The following STARD3NL variants were observed in gnomAD, a reference collection of about 807,000 sequenced individuals.
STARD3NL encodes STARD3 N-terminal-like protein.
STARD3NL carries 17 observed loss-of-function variants against 30.9 expected under a neutral mutation model. That is an observed-to-expected ratio of 0.55 (90% CI 0.38 to 0.82). STARD3NL has a LOEUF of 0.82. STARD3NL is among the 40% of genes least tolerant of loss of function. The probability of loss-of-function intolerance (pLI) is 0.00; values close to 1 mark genes in which losing one functional copy is unlikely to be tolerated. For missense variants in STARD3NL, 234 were observed against 277.6 expected, an observed-to-expected ratio of 0.84 and a Z score of 1.12; for synonymous variants, 112 against 100.5, an observed-to-expected ratio of 1.11 and a Z score of -0.69.
At chr7:38,222,096 G>C (rs971031029) in intron 7 of STARD3NL, among the ~76,000 whole-genome samples, 3 of 151,490 alleles carry the variant, frequency 2.0e-5, no homozygotes, top group African/African-American at 7.3e-5. Context: ...ACTTGAGTTA[G>C]AGACTACATC....
At chr7:38,215,652 A>C (rs1349610779) in intron 4 of STARD3NL, 2 of 152,740 alleles carry the variant, frequency 1.3e-5, no homozygotes, top group African/African-American at 4.8e-5. Context: ...TGGTATTCTT[A>C]ATAAGTATTT....
At chr7:38,222,734 CAA>C (rs1786540509) in intron 7 of STARD3NL, among the ~76,000 whole-genome samples, 1 of 152,104 alleles carries the variant, frequency 6.6e-6, no homozygotes, top group Admixed American at 6.5e-5. Context: ...TAAACAAAAA[CAA>C]AACATTTTCA....
intron 4 of STARD3NL, chr7:38,215,780 G>C (rs1786074587): frequency 6.6e-6 from 1 of 152,320 alleles, no homozygotes; most frequent in South Asian, 2.1e-4. Context: ...AGACTAGAGA[G>C]AGCTGCTCAG....
At chr7:38,204,769 A>G (rs1230148570) in intron 1 of STARD3NL, among the ~76,000 whole-genome samples, 2 of 152,098 alleles carry the variant, frequency 1.3e-5, no homozygotes, top group Admixed American at 6.6e-5. Context: ...AGAGAGAAGA[A>G]TCAAATAGAT....
chr7:38,187,971 A>G (rs960449192), intron 1 of STARD3NL, among the ~76,000 whole-genome samples: 2 of 152,144 alleles, frequency 1.3e-5, no homozygotes, highest in African/African-American at 4.8e-5. Flanking sequence ...CTTACTTGGA[A>G]CCAATCTATT....
At chr7:38,225,036 A>T (rs1786676178) in intron 7 of STARD3NL, among the ~76,000 whole-genome samples, 1 of 152,152 alleles carries the variant, frequency 6.6e-6, no homozygotes. Context: ...CTTTTTGATC[A>T]TATCCCGGCT....
At chr7:38,184,441 G>A (rs1784371911) in intron 1 of STARD3NL, among the ~76,000 whole-genome samples, 1 of 151,726 alleles carries the variant, frequency 6.6e-6, no homozygotes, top group Non-Finnish European at 1.5e-5. Context: ...GAGGCCTCAG[G>A]AGGCTTACAG....
At chr7:38,213,318 T>C (rs1785917483) in intron 2 of STARD3NL, among the ~76,000 whole-genome samples, 1 of 152,188 alleles carries the variant, frequency 6.6e-6, no homozygotes, top group Non-Finnish European at 1.5e-5. Context: ...CTACAGAGGA[T>C]CCATACTAAT....
At chr7:38,208,073 A>G (rs1785592603) in intron 2 of STARD3NL, among the ~76,000 whole-genome samples, 2 of 152,142 alleles carry the variant, frequency 1.3e-5, no homozygotes, top group Non-Finnish European at 2.9e-5. Context: ...CTGTTTACAT[A>G]TTGTTTATGG....
At chr7:38,204,940 A>T (rs1041421395) in intron 1 of STARD3NL, among the ~76,000 whole-genome samples, 2 of 152,224 alleles carry the variant, frequency 1.3e-5, no homozygotes, top group African/African-American at 4.8e-5. Context: ...AACCAGGAAG[A>T]AGTTGAATCT....
At chr7:38,192,192 G>A (rs897641487) in intron 1 of STARD3NL, among the ~76,000 whole-genome samples, 3 of 151,834 alleles carry the variant, frequency 2.0e-5, no homozygotes, top group African/African-American at 7.3e-5. Context: ...TTCTCTTTCT[G>A]TGTCTAGTCT....
In STARD3NL at chr7:38,217,126, G is replaced by A. The variant is rs115408170; in HGVS notation, c.435+48G>A. 6.1e-4 allele frequency: 983 copies of A among 1,613,702 alleles called. 5 individuals carry two copies. The African/African-American group carries it at 0.011, about 19-fold the overall frequency. On this transcript the variant is annotated intron_variant, in intron 5 of 8. Transcript: ENST00000009041. ...TACAGTTACCATCTTCAGTGATGAA[G>A]CCTCGTTTTTCAGTGTGAGTTTGTG...
chr7:38,195,594 G>A (rs1371381202), intron 1 of STARD3NL, among the ~76,000 whole-genome samples: 1 of 152,190 alleles, frequency 6.6e-6, no homozygotes, highest in Non-Finnish European at 1.5e-5. Flanking sequence ...TTCTAGCTTT[G>A]CTTTGAGCTT....
At chr7:38,200,207 A>T (rs999962403) in intron 1 of STARD3NL, among the ~76,000 whole-genome samples, 4 of 152,126 alleles carry the variant, frequency 2.6e-5, no homozygotes, top group African/African-American at 7.2e-5. Flanking sequence ...AGCTGGGTAG[A>T]TGTAGTCCTC....
chr7:38,200,996 T>C (rs1785148592), intron 1 of STARD3NL, among the ~76,000 whole-genome samples: 1 of 152,234 alleles, frequency 6.6e-6, no homozygotes, highest in Non-Finnish European at 1.5e-5. Flanking sequence ...TAAGTAAAAG[T>C]TTCACTCAAA....
chr7:38,224,787 G>T (rs1486555315), intron 7 of STARD3NL, among the ~76,000 whole-genome samples: 1 of 152,050 alleles, frequency 6.6e-6, no homozygotes, highest in Non-Finnish European at 1.5e-5. Context: ...ACCATAAAGT[G>T]CTTCCTTTAA....
In STARD3NL at chr7:38,199,359, T is replaced by C. The variant is rs183504923; in HGVS notation, c.-58-8088T>C. Among the ~76,000 whole-genome samples, 59 of 152,328 alleles carry C rather than the reference T, an allele frequency of 3.9e-4. 1 individual carries two copies. The Middle Eastern group carries it at 0.01, about 26-fold the overall frequency. On this transcript the variant is annotated intron_variant, in intron 1 of 8. Coordinates refer to ENST00000009041, the MANE Select transcript of STARD3NL (RefSeq NM_032016.4). ...CAGAAACAAAAACAAACAGTTGTAA[T>C]CTCCTGAATTCAACAGAGATTGCTG...
At chr7:38,219,843 A>G in intron 7 of STARD3NL, among the ~76,000 whole-genome samples, 183 bp downstream of exon 7, 1 of 152,208 alleles carries the variant, frequency 6.6e-6, no homozygotes, top group Non-Finnish European at 1.5e-5. Flanking sequence ...ACAGAGTTGT[A>G]AAAATAAATG....
intron 1 of STARD3NL, among the ~76,000 whole-genome samples, chr7:38,205,845 T>C (rs7778377): frequency 0.83 from 126,001 of 152,120 alleles, 52,350 homozygotes; most frequent in African/African-American, 0.88. Context: ...ACTGTTTCTT[T>C]CCTCTTTCTT....
Sources: gnomAD v4.1 joint callset for allele counts (sites outside exome capture counted in the v4.1 genomes callset) on GRCh38, gnomAD v4.1.1 for gene constraint, MANE v1.5 for transcripts, NCBI Gene and HGNC (gene_info 2026-07-23, HGNC 2026-07-21) for gene names.